Variants in RADIL observed in about 807,000 individuals in gnomAD.
RADIL encodes Rap associating with DIL domain.
In RADIL, 99 loss-of-function variants were observed where a neutral mutation model predicts 97.6. That is an observed-to-expected ratio of 1.01 (90% CI 0.86 to 1.20). RADIL has a LOEUF of 1.20. RADIL is among the 50% of genes most tolerant of loss of function. The pLI, the probability that RADIL is intolerant of heterozygous loss-of-function variation, is 0.00. For synonymous variants in RADIL, 803 were observed against 691.8 expected (o/e 1.16, Z -2.52); for missense variants, 1,765 against 1,498.9 (o/e 1.18, Z -2.93).
At chr7:4,831,080 A>G (rs1783126400) in intron 5 of RADIL, among the ~76,000 whole-genome samples, 1 of 151,826 alleles carries the variant, frequency 6.6e-6, no homozygotes, top group South Asian at 2.1e-4. Flanking sequence ...AATCCCAGCT[A>G]CTTAGAAGGC....
Position 4,836,378 on chromosome 7 carries a change from G to A in RADIL, c.763C>T (p.Gln255Ter), listed in dbSNP as rs185002659. The change falls in exon 3 of 15, where the codon CAG becomes TAG. Residue 255 changes from glutamine (Q) to a stop codon, truncating the protein, a stop_gained. Transcript: ENST00000399583. LOFTEE classifies it high-confidence loss of function. ...LYQSPHLLLL[Q>*]GYSQQHDSLV... ...CTCACGTGCTGCTGGCTGTAGCCCT[G>A]CAGAAGGAGCAGATGCGGGGACTGG... 18 of 1,573,352 alleles carry A rather than the reference G, an allele frequency of 1.1e-5. No homozygotes were observed. In the East Asian group the frequency reaches 3.5e-4, roughly 31 times the overall value.
chr7:4,861,266 T>C, intron 2 of RADIL: 1 of 1,614,114 alleles, frequency 6.2e-7, no homozygotes, highest in Non-Finnish European at 8.5e-7. Context: ...TAAGTCCAAA[T>C]CTTCTGGAAT....
At chr7:4,860,977 T>C (rs766444308) in intron 2 of RADIL, 2 of 1,614,230 alleles carry the variant, frequency 1.2e-6, no homozygotes, top group South Asian at 1.1e-5. Flanking sequence ...ATTCCCATTC[T>C]GAAAATACCA....
chr7:4,870,114 T>C (rs1784219504), intron 2 of RADIL, among the ~76,000 whole-genome samples: 1 of 152,216 alleles, frequency 6.6e-6, no homozygotes, highest in Non-Finnish European at 1.5e-5. Context: ...CACGCTAGCC[T>C]GGGCAACAGA....
At chr7:4,810,227 G>T (rs973230847) in intron 9 of RADIL, among the ~76,000 whole-genome samples, 4 of 152,010 alleles carry the variant, frequency 2.6e-5, no homozygotes, top group Admixed American at 2.6e-4. Context: ...GCAGTGGCAC[G>T]ATCACAGCTC....
In RADIL at chr7:4,878,132, T is replaced by C. The variant is rs1224420897; in HGVS notation, c.8A>G (p.Tyr3Cys). The change falls in exon 2 of 15, where the codon TAT becomes TGT. Residue 3 changes from tyrosine to cysteine, a missense_variant. Physicochemically the swap from Tyr to Cys is radical, Grantham distance 194. Transcript: ENST00000399583. The surrounding 1 kb of genome is among the most constrained non-coding windows in gnomAD (Gnocchi z 4.1). ...CGGGGACATGATGAAGTGCGTCCCA[T>C]AAAACATGGTGGGTGAGGCTTCATG... MF[Y>C]GTHFIMSPPT... 4.5e-6 allele frequency: 7 copies of C among 1,551,116 alleles called. No homozygotes were observed. The highest frequency in any genetic ancestry group is 2.7e-5 in the African/African-American group (2 of 73,364).
rs567342072 is a variant in RADIL, at chr7:4,797,731, C to G, written c.*1647G>C. 53 of 152,330 alleles carry G rather than the reference C, an allele frequency of 3.5e-4. 1 individual carries two copies. Among genetic ancestry groups the G allele is most frequent in the African/African-American group, 1.3e-3 (53 of 41,552 alleles). 9.4% of individuals were successfully genotyped at this position (152,330 alleles called of 1,614,324 possible). A position where few individuals can be genotyped will look rare whatever the true frequency, so the allele number is the denominator to read the frequency against. On this transcript the variant is annotated 3_prime_UTR_variant, in exon 15 of 15. Coordinates refer to ENST00000399583, the MANE Select transcript of RADIL (RefSeq NM_018059.5). ...CATGGTAATCCCACGCCTGTAATCC[C>G]AGCACTTTGGGAGGGCAAGGCGGGC...
Position 4,872,868 on chromosome 7 carries a change from G to A in RADIL, c.535+4737C>T, listed in dbSNP as rs1161834672. On this transcript the variant is annotated intron_variant, in intron 2 of 14. Transcript: ENST00000399583. The surrounding 1 kb of genome is among the most constrained non-coding windows in gnomAD (Gnocchi z 5.8). ...AGTCCGAGGTGAGGGGCAGGGGAGA[G>A]GCCTGAGAGACTTTGGCGAAATGCT... Among the ~76,000 whole-genome samples, 1 of 152,166 alleles carries A rather than the reference G, an allele frequency of 6.6e-6. No individual in the cohort carries two copies. Among genetic ancestry groups the A allele is most frequent in the Non-Finnish European group, 1.5e-5 (1 of 68,022 alleles).
chr7:4,801,094 GCA>G (rs147836827), intron 12 of RADIL, among the ~76,000 whole-genome samples: 10,614 of 152,152 alleles, frequency 0.07, 443 homozygotes, highest in South Asian at 0.19. Flanking sequence ...TTACACCCAT[GCA>G]CAGATGCACA....
chr7:4,805,401 G>C, intron 10 of RADIL, 165 bp downstream of exon 10: 1 of 767,486 alleles, frequency 1.3e-6, no homozygotes, highest in Non-Finnish European at 1.8e-6. Flanking sequence ...GTTGGGGATG[G>C]GGCGGGGCGG....
chr7:4,838,091 C>T (rs1783348689), intron 2 of RADIL: 15 of 980,928 alleles, frequency 1.5e-5, no homozygotes, highest in Non-Finnish European at 1.8e-5. Context: ...TGAGGGAGGC[C>T]GCCCAGCCGC....
At chr7:4,859,531 T>C in intron 2 of RADIL, 1 of 208,002 alleles carries the variant, frequency 4.8e-6, no homozygotes, top group Non-Finnish European at 9.7e-6. Flanking sequence ...ACTGGCTCAG[T>C]AAAGGAAGTT....
intron 5 of RADIL, among the ~76,000 whole-genome samples, chr7:4,825,022 G>T (rs1782934942): frequency 6.6e-6 from 1 of 152,176 alleles, no homozygotes; most frequent in Non-Finnish European, 1.5e-5. Context: ...GGGGCCCAGG[G>T]AATGATGAAG....
chr7:4,799,512 G>GCAGGAGGGCAC (rs1457932114), intron 14 of RADIL, 29 bp from the exon 15 acceptor site: 3 of 1,613,324 alleles, frequency 1.9e-6, no homozygotes, highest in Middle Eastern at 1.6e-4. Context: ...GTGGGGGTGG[G>GCAGGAGGGCAC]CAGGAGGGCA....
chr7:4,805,538 C>T, intron 10 of RADIL, 28 bp downstream of exon 10: 1 of 1,552,452 alleles, frequency 6.4e-7, no homozygotes, highest in Non-Finnish European at 8.7e-7. Flanking sequence ...GAGTCCCCAG[C>T]CCTCTCCTGC....
intron 2 of RADIL, among the ~76,000 whole-genome samples, chr7:4,863,202 T>G (rs1370928344): frequency 6.6e-6 from 1 of 152,264 alleles, no homozygotes; most frequent in African/African-American, 2.4e-5. Flanking sequence ...AAATATCCAC[T>G]TAAATACTTA....
chr7:4,853,408 AAAG>A (rs999561377), intron 2 of RADIL, among the ~76,000 whole-genome samples: 2 of 152,204 alleles, frequency 1.3e-5, no homozygotes, highest in African/African-American at 4.8e-5. Context: ...TCAAATACTC[AAAG>A]AATGATGGAG....
At chr7:4,876,733 G>C (rs116021043) in intron 2 of RADIL, among the ~76,000 whole-genome samples, 3,455 of 152,340 alleles carry the variant, frequency 0.023, 141 homozygotes, top group African/African-American at 0.08. Context: ...CGCCACCCGT[G>C]CTCTCGGCAC....
chr7:4,805,541 T>C, intron 10 of RADIL, 25 bp downstream of exon 10: 1 of 1,554,802 alleles, frequency 6.4e-7, no homozygotes, highest in Non-Finnish European at 8.7e-7. Context: ...TCCCCAGCCC[T>C]CTCCTGCCCT....
Sources: allele counts gnomAD v4.1 joint callset (sites outside exome capture counted in the v4.1 genomes callset), GRCh38; gene constraint gnomAD v4.1.1; non-coding constraint Gnocchi (gnomAD v3.1); transcripts MANE v1.5; gene names NCBI Gene and HGNC (gene_info 2026-07-23, HGNC 2026-07-21).